The following ABLIM2 variants were observed in gnomAD, a reference collection of about 807,000 sequenced individuals.
ABLIM2 encodes actin-binding LIM protein 2.
ABLIM2 carries 53 observed loss-of-function variants against 97.7 expected under a neutral mutation model. The observed-to-expected ratio is 0.54, with a 90% CI of 0.44 to 0.68. ABLIM2 has a LOEUF of 0.68. Ranked by LOEUF, ABLIM2 falls within the 30% of genes least tolerant of loss-of-function variation. The pLI is 0.00. For missense variants in ABLIM2, 835 were observed against 867.2 expected, an observed-to-expected ratio of 0.96 and a Z score of 0.47; for synonymous variants, 361 against 345.8, an observed-to-expected ratio of 1.04 and a Z score of -0.49.
At chr4:8,060,814 C>T (rs572502063) in intron 7 of ABLIM2, among the ~76,000 whole-genome samples, 153 bp downstream of exon 7, 11 of 152,334 alleles carry the variant, frequency 7.2e-5, no homozygotes, top group South Asian at 6.2e-4. Flanking sequence ...CACGTGCCAC[C>T]GCCCTGCCCT....
rs562396988 is a variant in ABLIM2 at position 7,986,661 on chromosome 4, G to A, written c.1681-1768C>T. On this transcript the variant is annotated intron_variant, in intron 17 of 20. Transcript: ENST00000447017. The surrounding 1 kb of genome is among the most constrained non-coding windows in gnomAD (Gnocchi z 4.3). ...CACAAAATAATTCTTGCCTTCAGGG[G>A]TATTCACAAAGAATTTCTTTTTTTT... Among the ~76,000 whole-genome samples, 1 of 152,178 alleles carries A rather than the reference G, an allele frequency of 6.6e-6. No homozygotes were observed. The highest frequency in any genetic ancestry group is 2.1e-4 in the South Asian group (1 of 4,816).
intron 1 of ABLIM2, among the ~76,000 whole-genome samples, chr4:8,129,827 C>A (rs1849108274): frequency 6.6e-6 from 1 of 152,164 alleles, no homozygotes; most frequent in Admixed American, 6.5e-5. Flanking sequence ...CACCGGCCAC[C>A]CCCTCCCCGC....
intron 5 of ABLIM2, among the ~76,000 whole-genome samples, chr4:8,078,934 G>A (rs1387776376): frequency 6.6e-6 from 1 of 152,240 alleles, no homozygotes; most frequent in Admixed American, 6.5e-5. Flanking sequence ...TTGCTGTAGT[G>A]TTCCAAATTT....
At chr4:8,108,904 G>A (rs1166624215) in intron 1 of ABLIM2, among the ~76,000 whole-genome samples, 2 of 152,254 alleles carry the variant, frequency 1.3e-5, no homozygotes, top group Non-Finnish European at 2.9e-5. Context: ...AGCCGGCCTT[G>A]AGACCAGGCT....
rs1209508405 is a variant in ABLIM2 at position 8,095,255 on chromosome 4, C to A, written c.338+1844G>T. ...CATAGCTGGGACTACAGGCATGCAC[C>A]ACCATGCCAGACTAATTTTTAAATT... On this transcript the variant is annotated intron_variant, in intron 3 of 20. Coordinates refer to ENST00000447017, the MANE Select transcript of ABLIM2 (RefSeq NM_001130083.2). This position sits in a 1 kb window ranked among gnomAD's most constrained non-coding sequence, Gnocchi z 4.7. Among the ~76,000 whole-genome samples, 1 of 152,056 alleles carries A rather than the reference C, an allele frequency of 6.6e-6. No homozygotes were observed. The highest frequency in any genetic ancestry group is 1.5e-5 in the Non-Finnish European group (1 of 68,024).
rs1797874667 is a variant in ABLIM2, at chr4:8,054,552, G to A, written c.764-306C>T. On this transcript the variant is annotated intron_variant, in intron 7 of 20. Transcript: ENST00000447017. The surrounding 1 kb of genome is among the most constrained non-coding windows in gnomAD (Gnocchi z 4.9). ...AGGCATAGGGTCTTGAGGAACCTGG[G>A]GGGCAGCTGGAAGATTCTTCTCTGA... Among the ~76,000 whole-genome samples the A allele has an allele frequency of 6.6e-6, 1 of 152,212 alleles. No homozygotes were observed. The highest frequency in any genetic ancestry group is 6.5e-5 in the Admixed American group (1 of 15,282).
chr4:8,019,627 T>G lies in ABLIM2; in HGVS notation c.1414A>C (p.Arg472=). 6.2e-7 allele frequency: 1 copy of G among 1,611,936 alleles called. No individual in the cohort carries two copies. The highest frequency in any genetic ancestry group is 8.5e-7 in the Non-Finnish European group (1 of 1,179,242). ...DNIYRKPPIY[R]QHAARRSDGE... The stretch of plus-strand genomic sequence containing the variant: ...AGGAATCCAACCGTACCATGCTGTC[T>G]GTAGATAGGGGGTTTCCTATAGATG... The change falls in exon 14 of 21, where the codon AGA becomes CGA. Residue 472 remains arginine (R), a synonymous_variant. Transcript: ENST00000447017. The surrounding 1 kb of genome is among the most constrained non-coding windows in gnomAD (Gnocchi z 4.3).
At chr4:8,025,642 A>AG (rs897382069) in intron 12 of ABLIM2, among the ~76,000 whole-genome samples, 1 of 151,920 alleles carries the variant, frequency 6.6e-6, no homozygotes, top group African/African-American at 2.4e-5. Flanking sequence ...GGGGCAGAGG[A>AG]GGGGAGGGTC....
chr4:8,096,749 G>A (rs1290911305), intron 3 of ABLIM2, among the ~76,000 whole-genome samples: 2 of 152,242 alleles, frequency 1.3e-5, no homozygotes, highest in African/African-American at 4.8e-5. Flanking sequence ...GACCACGTAG[G>A]AAGGCTCCTG....
intron 1 of ABLIM2, among the ~76,000 whole-genome samples, chr4:8,110,849 C>T (rs372527909): frequency 4.6e-5 from 7 of 152,198 alleles, no homozygotes; most frequent in South Asian, 2.1e-4. Context: ...ATGCAGGTGC[C>T]GCTCCTACAG....
At chr4:8,157,485 A>G (rs941436517) in intron 1 of ABLIM2, among the ~76,000 whole-genome samples, 1 of 152,168 alleles carries the variant, frequency 6.6e-6, no homozygotes, top group Non-Finnish European at 1.5e-5. Context: ...CATTGCTCTC[A>G]GCTACTCCCA....
Position 8,005,089 on chromosome 4 carries a change from C to G in ABLIM2, c.1618+2970G>C, listed in dbSNP as rs537937196. ...AATGACTGAATGATGAACTCAGTCC[C>G]GGGTGAGATGTGCAGATGGTGTTGT... On this transcript the variant is annotated intron_variant, in intron 16 of 20. Transcript: ENST00000447017. This position sits in a 1 kb window ranked among gnomAD's most constrained non-coding sequence, Gnocchi z 4.9. Among the ~76,000 whole-genome samples, 1 of 152,132 alleles carries G rather than the reference C, an allele frequency of 6.6e-6. No homozygotes were observed. Among genetic ancestry groups the G allele is most frequent in the South Asian group, 2.1e-4 (1 of 4,822 alleles).
Position 7,970,410 on chromosome 4 carries a change from G to A in ABLIM2, c.1825-3307C>T, listed in dbSNP as rs1459676739. Among the ~76,000 whole-genome samples, 2 of 152,052 alleles carry A rather than the reference G, an allele frequency of 1.3e-5. No individual in the cohort carries two copies. The highest frequency in any genetic ancestry group is 2.1e-4 in the South Asian group (1 of 4,834). ...TGCAATCGTGTACTTAAAGGGAGGA[G>A]GACTGGTGAGTGAGTGGTCTCTTGG... On this transcript the variant is annotated intron_variant, in intron 20 of 20. Transcript: ENST00000447017. The surrounding 1 kb of genome is among the most constrained non-coding windows in gnomAD (Gnocchi z 5.3).
intron 12 of ABLIM2, among the ~76,000 whole-genome samples, chr4:8,025,398 C>T (rs778753125): frequency 2.2e-4 from 34 of 152,204 alleles, no homozygotes; most frequent in African/African-American, 6.3e-4. Flanking sequence ...TAGACGGCTT[C>T]GGAGCCACAT....
At position 7,996,748 on chromosome 4, in the gene ABLIM2, A is replaced by G. The variant is rs1026078276; in HGVS notation, c.1619-3821T>C. Reference sequence around the variant, plus strand: ...GATTCCTTACGGGTAGCTCTGCAGGATATCTCACTGAACACAGGATTCATG... The same window carrying G: ...GATTCCTTACGGGTAGCTCTGCAGGGTATCTCACTGAACACAGGATTCATG... On this transcript the variant is annotated intron_variant, in intron 16 of 20. Transcript: ENST00000447017. This position sits in a 1 kb window ranked among gnomAD's most constrained non-coding sequence, Gnocchi z 4.5. 6.6e-6 allele frequency among the ~76,000 whole-genome samples: 1 copy of G among 152,156 alleles called. No homozygotes were observed. The highest frequency in any genetic ancestry group is 1.5e-5 in the Non-Finnish European group (1 of 68,046).
At chr4:7,987,958 G>A (rs193272852) in intron 17 of ABLIM2, among the ~76,000 whole-genome samples, 69 of 152,268 alleles carry the variant, frequency 4.5e-4, no homozygotes, top group African/African-American at 1.5e-3. Flanking sequence ...CCCCTACGCC[G>A]CTCAGTGCAG....
intron 1 of ABLIM2, among the ~76,000 whole-genome samples, chr4:8,114,225 T>C (rs1339867824): frequency 6.6e-6 from 1 of 152,114 alleles, no homozygotes; most frequent in Non-Finnish European, 1.5e-5. Flanking sequence ...TGCTGATGTG[T>C]GCTCAGCCAG....
At chr4:8,105,545 T>C (rs1012400475) in intron 2 of ABLIM2, among the ~76,000 whole-genome samples, 5 of 152,156 alleles carry the variant, frequency 3.3e-5, no homozygotes, top group African/African-American at 1.2e-4. Flanking sequence ...TTGTGGCACA[T>C]TTCCTAGTTT....
Position 8,122,896 on chromosome 4 carries a change from A to C in ABLIM2, c.11-16259T>G, listed in dbSNP as rs763984261. ...CATGCCCCACCGCGTGGATGAGGGG[A>C]TGGGAGAGGGAGAGGGGTGAGGGGC... is the stretch of plus-strand genomic sequence containing the variant. On this transcript the variant is annotated intron_variant, in intron 1 of 20. Coordinates refer to ENST00000447017, the MANE Select transcript of ABLIM2 (RefSeq NM_001130083.2). This position sits in a 1 kb window ranked among gnomAD's most constrained non-coding sequence, Gnocchi z 4.1. Among the ~76,000 whole-genome samples, 14 of 151,878 alleles carry C rather than the reference A, an allele frequency of 9.2e-5. No individual in the cohort carries two copies. Among genetic ancestry groups the C allele is most frequent in the Non-Finnish European group, 1.9e-4 (13 of 67,970 alleles).
Sources: gnomAD v4.1 joint callset for allele counts (sites outside exome capture counted in the v4.1 genomes callset) on GRCh38, gnomAD v4.1.1 for gene constraint, Gnocchi (gnomAD v3.1) non-coding constraint, MANE v1.5 for transcripts, NCBI Gene and HGNC (gene_info 2026-07-23, HGNC 2026-07-21) for gene names.